The following MYH15 variants were observed in gnomAD, a reference collection of about 807,000 sequenced individuals.
MYH15 encodes myosin-15.
In MYH15, 227 loss-of-function variants were observed where a neutral mutation model predicts 240.5. The observed-to-expected ratio is 0.94, with a 90% CI of 0.85 to 1.05. The LOEUF (loss-of-function observed/expected upper bound fraction) is 1.05. Ranked by LOEUF, MYH15 falls within the 50% of genes least tolerant of loss-of-function variation. The pLI is 0.00. For synonymous variants in MYH15, 785 were observed against 796.7 expected (o/e 0.99, Z 0.25); for missense variants, 2,217 against 2,247.5 (o/e 0.99, Z 0.27).
chr3:108,412,771 TA>T (rs2082604340), intron 30 of MYH15, among the ~76,000 whole-genome samples: 1 of 152,216 alleles, frequency 6.6e-6, no homozygotes, highest in South Asian at 2.1e-4. Context: ...TTGAGTCTGC[TA>T]AACTAACTCA....
chr3:108,549,610 G>T, the MYH15 span, among the ~76,000 whole-genome samples: 2 of 151,962 alleles, frequency 1.3e-5, no homozygotes, highest in Admixed American at 6.6e-5. Context: ...TAACAGGATG[G>T]TTATCAAAAT....
intron 21 of MYH15, among the ~76,000 whole-genome samples, chr3:108,452,790 AT>A (rs1050892364): frequency 6.6e-6 from 1 of 151,892 alleles, no homozygotes; most frequent in African/African-American, 2.4e-5. Flanking sequence ...ATATATGTTA[AT>A]TTTTTTTAAT....
intron 36 of MYH15, 118 bp downstream of exon 36, chr3:108,393,913 C>T (rs2290601): frequency 0.75 from 1,104,543 of 1,468,870 alleles, 418,211 homozygotes; most frequent in Middle Eastern, 0.81. Flanking sequence ...ACTAACCTCC[C>T]CCTGGCTGTA....
Position 108,444,740 on chromosome 3 carries a change from T to C in MYH15, c.2555A>G (p.Gln852Arg), listed in dbSNP as rs769042271. ...AGLKEECAQL[Q>R]KALEKSEFQR... ...AAACTCTGATTTCTCCAAGGCTTTCTGTAATTGTGCACACTCTTCCTTCAG... is the reference window on the plus strand; with the variant it reads ...AAACTCTGATTTCTCCAAGGCTTTCCGTAATTGTGCACACTCTTCCTTCAG... Residue 852 changes from glutamine (Q) to arginine (R), a missense_variant, in exon 22 of 41, where the codon CAG (glutamine) becomes CGG (arginine). By Grantham distance (43) the Gln-to-Arg change is conservative. Coordinates refer to ENST00000693548, the MANE Select transcript of MYH15 (RefSeq NM_014981.3). 2.4e-5 allele frequency: 38 copies of C among 1,614,018 alleles called. No individual in the cohort carries two copies. The highest frequency in any genetic ancestry group is 3.1e-5 in the Non-Finnish European group (37 of 1,180,004).
intron 27 of MYH15, among the ~76,000 whole-genome samples, chr3:108,423,491 T>C (rs1349232792): frequency 6.6e-6 from 1 of 152,216 alleles, no homozygotes; most frequent in Non-Finnish European, 1.5e-5. Flanking sequence ...CATGCTCAAT[T>C]GTCCCCACTC....
At chr3:108,415,602 T>A (rs1240702327) in intron 29 of MYH15, among the ~76,000 whole-genome samples, 1 of 152,170 alleles carries the variant, frequency 6.6e-6, no homozygotes, top group East Asian at 1.9e-4. Flanking sequence ...AATACATTAA[T>A]AAATAAAATT....
At position 108,505,838 on chromosome 3, in the gene MYH15, CAA is replaced by C. The variant is rs55971936; in HGVS notation, c.89-11_89-10del. 0.047 allele frequency: 56,164 copies of C among 1,202,996 alleles called. No individual in the cohort carries two copies. Among genetic ancestry groups the C allele is most frequent in the South Asian group, 0.063 (4,230 of 66,786 alleles). 74.5% of individuals were successfully genotyped at this position (1,202,996 alleles called of 1,614,324 possible). On this transcript the variant is annotated splice_polypyrimidine_tract_variant and intron_variant, in intron 1 of 40. Coordinates refer to ENST00000693548, the MANE Select transcript of MYH15 (RefSeq NM_014981.3). ...CCAGCATTTCTTCTTCCCTGTAGAG[CAA>C]AAAAAAAAAAAAATGGATTATAGCT...
At position 108,383,737 on chromosome 3, in the gene MYH15, A is replaced by C; in HGVS notation, c.5632-8T>G. On this transcript the variant is annotated splice_polypyrimidine_tract_variant and splice_region_variant and intron_variant, in intron 39 of 40. Coordinates refer to ENST00000693548, the MANE Select transcript of MYH15 (RefSeq NM_014981.3). ...TTGATTGGCTTGTGTTTCCTATAAA[A>C]ATAAAAAAAAAAAAAAAGAAATCTC... 7.0e-7 allele frequency: 1 copy of C among 1,420,948 alleles called. No individual in the cohort carries two copies. Among genetic ancestry groups the C allele is most frequent in the Non-Finnish European group, 9.3e-7 (1 of 1,075,034 alleles). The allele number at this position is 1,420,948 out of a possible 1,614,324, so 88.0% of individuals were successfully genotyped here.
At chr3:108,542,881 C>CTTTT in the MYH15 span, among the ~76,000 whole-genome samples, 2 of 133,208 alleles carry the variant, frequency 1.5e-5, no homozygotes, top group Non-Finnish European at 1.6e-5. Context: ...GATCTCGTTC[C>CTTTT]TTTTTTTTTT....
chr3:108,490,668 C>T (rs2083339041), intron 9 of MYH15, among the ~76,000 whole-genome samples: 1 of 152,198 alleles, frequency 6.6e-6, no homozygotes, highest in Non-Finnish European at 1.5e-5. Flanking sequence ...ACTGTTCCCT[C>T]CTCCTGGGAT....
At chr3:108,482,781 C>G (rs150126930) in intron 11 of MYH15, among the ~76,000 whole-genome samples, 2 of 152,016 alleles carry the variant, frequency 1.3e-5, no homozygotes, top group Admixed American at 6.6e-5. Context: ...GAACTTGTTA[C>G]GTATTTATGT....
At chr3:108,455,296 T>C (rs1179823596) in intron 20 of MYH15, among the ~76,000 whole-genome samples, 1 of 152,166 alleles carries the variant, frequency 6.6e-6, no homozygotes, top group African/African-American at 2.4e-5. Context: ...AATTTTTTGA[T>C]AGTGGGTTAA....
chr3:108,513,691 C>T (rs1484442089), upstream of MYH15, among the ~76,000 whole-genome samples: 2 of 152,040 alleles, frequency 1.3e-5, no homozygotes, highest in African/African-American at 4.8e-5. Flanking sequence ...ATGGACACTC[C>T]ACTAATAAGA....
chr3:108,544,254 A>G, the MYH15 span, among the ~76,000 whole-genome samples: 5 of 152,090 alleles, frequency 3.3e-5, no homozygotes, highest in African/African-American at 1.2e-4. Flanking sequence ...CTGGCCCCCC[A>G]CTTTCCTAAA....
intron 25 of MYH15, among the ~76,000 whole-genome samples, chr3:108,434,733 C>T (rs1045673534): frequency 6.6e-6 from 1 of 152,228 alleles, no homozygotes; most frequent in South Asian, 2.1e-4. Flanking sequence ...CATAATCATG[C>T]CCCTTGTATA....
chr3:108,522,500 T>C (rs2083627936), intron 1 of MYH15, among the ~76,000 whole-genome samples: 1 of 152,144 alleles, frequency 6.6e-6, no homozygotes, highest in South Asian at 2.1e-4. Context: ...CAATAGTTGC[T>C]GTATTCAAAT....
chr3:108,544,016 G>A, the MYH15 span: 1 of 152,152 alleles, frequency 6.6e-6, no homozygotes, highest in African/African-American at 2.4e-5. Context: ...CTTCAGATAA[G>A]TTGATCCATA....
chr3:108,541,063 T>C, the MYH15 span, among the ~76,000 whole-genome samples: 252 of 152,072 alleles, frequency 1.7e-3, 2 homozygotes, highest in African/African-American at 5.9e-3. Flanking sequence ...CATGAACACA[T>C]GAAAAGATAC....
intron 31 of MYH15, 80 bp downstream of exon 31, chr3:108,410,503 C>CTGTTGGGAATG: frequency 1.0e-6 from 1 of 996,392 alleles, no homozygotes; most frequent in Non-Finnish European, 1.4e-6. Context: ...TGTGAAAATG[C>CTGTTGGGAATG]TGAAGACAGC....
Sources: gnomAD v4.1 joint callset for allele counts (sites outside exome capture counted in the v4.1 genomes callset) on GRCh38, gnomAD v4.1.1 for gene constraint, MANE v1.5 for transcripts, NCBI Gene and HGNC (gene_info 2026-07-23, HGNC 2026-07-21) for gene names.